TRPM3: variants seen among roughly 807,000 people sequenced by gnomAD.
TRPM3 encodes transient receptor potential cation channel subfamily M member 3, also known as long transient receptor potential channel 3.
Under a neutral mutation model 181.2 loss-of-function variants are expected in TRPM3, and 77 were observed. That is an observed-to-expected ratio of 0.42 (90% CI 0.35 to 0.51). The LOEUF is 0.51. TRPM3 is among the 20% of genes least tolerant of loss of function. TRPM3 has a pLI of 0.01. For missense variants in TRPM3, 1,759 were observed against 2,196.7 expected, an observed-to-expected ratio of 0.80 and a Z score of 3.98; for synonymous variants, 745 against 796.4, an observed-to-expected ratio of 0.94 and a Z score of 1.09.
intron 22 of TRPM3, among the ~76,000 whole-genome samples, chr9:70,583,000 A>G (rs964163986): frequency 6.6e-6 from 1 of 152,194 alleles, no homozygotes; most frequent in Non-Finnish European, 1.5e-5. Flanking sequence ...GTGTGGTGGA[A>G]TAGTATGTAG....
intron 18 of TRPM3, among the ~76,000 whole-genome samples, chr9:70,613,774 T>A (rs1182166155): frequency 6.6e-6 from 1 of 152,216 alleles, no homozygotes; most frequent in Non-Finnish European, 1.5e-5. Context: ...CTCTTGTTAC[T>A]AAACTTTGCT....
At chr9:70,817,331 A>G (rs1333340981) in intron 6 of TRPM3, among the ~76,000 whole-genome samples, 1 of 152,148 alleles carries the variant, frequency 6.6e-6, no homozygotes. Context: ...TCTGGCCAGA[A>G]TGTAGATGTG....
Position 70,642,063 on chromosome 9 carries a change from A to G in TRPM3, c.1346-1403T>C, listed in dbSNP as rs2058135281. Among the ~76,000 whole-genome samples the G allele has an allele frequency of 2.0e-5, 3 of 152,230 alleles. No homozygotes were observed. In the South Asian group the frequency reaches 6.2e-4, roughly 32 times the overall value. On this transcript the variant is annotated intron_variant, in intron 9 of 25. Transcript: ENST00000677713. Reference sequence around the variant, plus strand: ...AAGAGACACCCCTAAATAATTGCCAAGCTTCATGCTGCTGGATATCTCACG... The same window carrying G: ...AAGAGACACCCCTAAATAATTGCCAGGCTTCATGCTGCTGGATATCTCACG...
intron 1 of TRPM3, among the ~76,000 whole-genome samples, chr9:71,306,930 T>A (rs1472517153): frequency 6.6e-6 from 1 of 152,234 alleles, no homozygotes; most frequent in African/African-American, 2.4e-5. Context: ...TCCATATTGT[T>A]CCTTATGTAT....
chr9:70,642,485 G>A (rs759759540), intron 9 of TRPM3, among the ~76,000 whole-genome samples: 1 of 152,172 alleles, frequency 6.6e-6, no homozygotes, highest in South Asian at 2.1e-4. Context: ...GTTCCTGGTC[G>A]TTAACTTACA....
At chr9:70,598,340 A>C in intron 21 of TRPM3, 79 bp downstream of exon 21, 1 of 1,550,146 alleles carries the variant, frequency 6.5e-7, no homozygotes. Flanking sequence ...AGCAGGCCCA[A>C]ATGAATTATT....
chr9:71,200,374 A>C (rs1323389091), intron 1 of TRPM3, among the ~76,000 whole-genome samples: 4 of 151,266 alleles, frequency 2.6e-5, no homozygotes, highest in Non-Finnish European at 4.4e-5. Flanking sequence ...AGAGTTCTGT[A>C]GATGTCTATT....
intron 1 of TRPM3, among the ~76,000 whole-genome samples, chr9:70,921,938 A>ACAC (rs2096659366): frequency 3.4e-4 from 25 of 72,884 alleles, no homozygotes; most frequent in African/African-American, 9.6e-4. Flanking sequence ...CACACACACA[A>ACAC]ACAAACACAC....
chr9:70,921,847 A>G (rs1371904754), intron 1 of TRPM3, among the ~76,000 whole-genome samples: 1 of 151,906 alleles, frequency 6.6e-6, no homozygotes, highest in Non-Finnish European at 1.5e-5. Flanking sequence ...GAATGCTGCC[A>G]ACAACCACAT....
At chr9:71,414,938 T>C (rs1465152955) in intron 1 of TRPM3, among the ~76,000 whole-genome samples, 1 of 152,070 alleles carries the variant, frequency 6.6e-6, no homozygotes, top group Non-Finnish European at 1.5e-5. Context: ...CTTAAAGATA[T>C]GAGGTTATAA....
intron 1 of TRPM3, among the ~76,000 whole-genome samples, chr9:71,216,244 A>G (rs1388423734): frequency 8.2e-6 from 1 of 122,380 alleles, no homozygotes; most frequent in Non-Finnish European, 1.9e-5. Flanking sequence ...TAATGGGAAT[A>G]CTAATTATTC....
At chr9:71,396,688 G>A (rs1055425996) in intron 1 of TRPM3, among the ~76,000 whole-genome samples, 4 of 151,644 alleles carry the variant, frequency 2.6e-5, no homozygotes, top group Non-Finnish European at 4.4e-5. Flanking sequence ...AATGCCGGGC[G>A]TGGTGGCTCA....
rs1424122283 is a variant in TRPM3 at position 70,536,042 on chromosome 9, A to T, written c.5071T>A (p.Ser1691Thr). The change falls in exon 26 of 26, where the codon TCC becomes ACC. Residue 1691 changes from serine (S) to threonine (T), a missense_variant. By Grantham distance (58) the Ser-to-Thr change is moderately conservative (BLOSUM62 1). Around this residue, in one of 8 missense-constraint regions of TRPM3, gnomAD observed 612 missense variants for 590.0 expected, o/e 1.04. Coordinates refer to ENST00000677713, the MANE Select transcript of TRPM3 (RefSeq NM_001366145.2). ...LRNPFQRSKS[S>T]KPEGRGDSLS... ...CTGTCCCCTCGGCCCTCCGGCTTGG[A>T]GGACTTGCTTCTCTGGAAGGGATTT... is the stretch of plus-strand genomic sequence containing the variant. 1.2e-6 allele frequency: 2 copies of T among 1,614,028 alleles called. No homozygotes were observed. The highest frequency in any genetic ancestry group is 1.7e-6 in the Non-Finnish European group (2 of 1,180,022).
chr9:70,573,523 G>T (rs2053026943), intron 22 of TRPM3, among the ~76,000 whole-genome samples: 1 of 152,116 alleles, frequency 6.6e-6, no homozygotes. Flanking sequence ...TGCACTGCAG[G>T]TTACACACAC....
At chr9:71,029,423 A>C (rs891405808) in intron 1 of TRPM3, among the ~76,000 whole-genome samples, 1 of 152,210 alleles carries the variant, frequency 6.6e-6, no homozygotes, top group Non-Finnish European at 1.5e-5. Context: ...AGTGCCAAAG[A>C]TGTACCCAAT....
rs753334247 is a variant in TRPM3, at chr9:71,121,286, C to T, written c.69G>A (p.Trp23Ter). 1.2e-6 allele frequency: 2 copies of T among 1,613,956 alleles called. No individual in the cohort carries two copies. Among genetic ancestry groups the T allele is most frequent in the African/African-American group, 2.7e-5 (2 of 74,870 alleles). The change falls in exon 1 of 26, where the codon TGG becomes TGA. Residue 23 changes from tryptophan to a stop codon, truncating the protein, a stop_gained. Transcript: ENST00000677713. LOFTEE classifies it high-confidence loss of function. ...IAQVFSFLFS[W>*]WNLEGVMNQA... ...GATTCATGACCCCTTCCAAATTCCA[C>T]CAGGAAAACAAGAAACTGAAAACCT...
intron 1 of TRPM3, among the ~76,000 whole-genome samples, chr9:71,207,228 C>A (rs2079178182): frequency 6.6e-6 from 1 of 152,080 alleles, no homozygotes; most frequent in Non-Finnish European, 1.5e-5. Flanking sequence ...ATGCTGCTAA[C>A]AATTACAGAC....
At chr9:71,301,107 C>T (rs998177864) in intron 1 of TRPM3, among the ~76,000 whole-genome samples, 2 of 152,014 alleles carry the variant, frequency 1.3e-5, no homozygotes, top group African/African-American at 4.8e-5. Flanking sequence ...TACAAGAAAA[C>T]AGAATACCTG....
At chr9:70,906,606 T>G (rs1446678449) in intron 1 of TRPM3, among the ~76,000 whole-genome samples, 1 of 152,144 alleles carries the variant, frequency 6.6e-6, no homozygotes, top group Non-Finnish European at 1.5e-5. Context: ...AAAAATGATC[T>G]TTTAAAAAAG....
Sources: gnomAD v4.1 joint callset for allele counts (sites outside exome capture counted in the v4.1 genomes callset) on GRCh38, gnomAD v4.1.1 for gene constraint, gnomAD v4.1.1 regional missense constraint, MANE v1.5 for transcripts, NCBI Gene and HGNC (gene_info 2026-07-23, HGNC 2026-07-21) for gene names.